Variants in TFPI observed in about 807,000 individuals in gnomAD.
The protein encoded by TFPI is anti-convertin.
A neutral mutation model predicts 34.6 loss-of-function variants in TFPI; 15 were observed. That is an observed-to-expected ratio of 0.43 (90% CI 0.29 to 0.67). The LOEUF is 0.67. Among genes scored for constraint, TFPI ranks in the 30% least tolerant of loss-of-function variants. TFPI has a pLI of 0.15. For synonymous variants in TFPI, 105 were observed against 120.1 expected (o/e 0.87, Z 0.82); for missense variants, 301 against 364.0 (o/e 0.83, Z 1.41).
intron 3 of TFPI, among the ~76,000 whole-genome samples, chr2:187,495,508 G>A (rs770339257): frequency 3.9e-5 from 6 of 152,140 alleles, no homozygotes; most frequent in Non-Finnish European, 8.8e-5. Context: ...ACATTCCTAG[G>A]GCATCTATGG....
intron 6 of TFPI, among the ~76,000 whole-genome samples, chr2:187,477,407 A>C (rs1692450799): frequency 6.6e-6 from 1 of 152,206 alleles, no homozygotes. Context: ...CACATTATGA[A>C]AGTCAAGATA....
Position 187,483,534 on chromosome 2 carries a change from A to G in TFPI, c.628+590T>C, listed in dbSNP as rs75767123. 4.7e-3 allele frequency among the ~76,000 whole-genome samples: 711 copies of G among 152,016 alleles called. 8 individuals carry two copies. The highest frequency in any genetic ancestry group is 4.9e-3 in the Non-Finnish European group (336 of 67,918). ...GATTATGTTTTCCAGTATTTTCACT[A>G]TTTTCTCAGCTCTGCATTTTGTGGA... On this transcript the variant is annotated intron_variant, in intron 6 of 7. Coordinates refer to ENST00000233156, the MANE Select transcript of TFPI (RefSeq NM_006287.6).
chr2:187,528,471 T>C (rs1687792306), intron 1 of TFPI, among the ~76,000 whole-genome samples: 1 of 152,218 alleles, frequency 6.6e-6, no homozygotes, highest in Non-Finnish European at 1.5e-5. Flanking sequence ...AACCCTGTTT[T>C]ATTTCAGCCT....
At chr2:187,494,087 GAGCTT>G (rs1352074103) in intron 3 of TFPI, among the ~76,000 whole-genome samples, 1 of 152,092 alleles carries the variant, frequency 6.6e-6, no homozygotes, top group Non-Finnish European at 1.5e-5. Context: ...GGCAAAGAGA[GAGCTT>G]ATGCAGAGAA....
At chr2:187,546,700 T>A (rs1352414724) in intron 1 of TFPI, 1 of 152,178 alleles carries the variant, frequency 6.6e-6, no homozygotes, top group Non-Finnish European at 1.5e-5. Context: ...TTTGGCTATT[T>A]TACCTGCTTT....
At chr2:187,541,870 G>C (rs1249111163) in intron 1 of TFPI, among the ~76,000 whole-genome samples, 1 of 152,092 alleles carries the variant, frequency 6.6e-6, no homozygotes, top group Admixed American at 6.6e-5. Context: ...CAAACACTAG[G>C]GGAAGTGATT....
chr2:187,475,015 C>T (rs1263245255), intron 6 of TFPI, among the ~76,000 whole-genome samples: 4 of 152,186 alleles, frequency 2.6e-5, no homozygotes, highest in African/African-American at 4.8e-5. Flanking sequence ...TCTGTTCTCC[C>T]GTAACCCTTG....
chr2:187,465,763 T>C lies in TFPI; in HGVS notation c.*1173A>G, dbSNP rs1288246070. ...TAGTCATGAAGCTAGTCATACCAAA[T>C]GAATGAAATGGTTGTTTCTAAATCA... On this transcript the variant is annotated 3_prime_UTR_variant, in exon 8 of 8. Coordinates refer to ENST00000233156, the MANE Select transcript of TFPI (RefSeq NM_006287.6). 1 of 152,074 alleles carries C rather than the reference T, an allele frequency of 6.6e-6. No individual in the cohort carries two copies. Among genetic ancestry groups the C allele is most frequent in the Non-Finnish European group, 1.5e-5 (1 of 67,994 alleles). The allele number at this position is 152,074 out of a possible 1,614,324, so 9.4% of individuals were successfully genotyped here. A position where few individuals can be genotyped will look rare whatever the true frequency, so the allele number is the denominator to read the frequency against.
At chr2:187,528,433 A>T (rs929853617) in intron 1 of TFPI, among the ~76,000 whole-genome samples, 1 of 152,176 alleles carries the variant, frequency 6.6e-6, no homozygotes, top group Non-Finnish European at 1.5e-5. Context: ...TTTTAAAAAA[A>T]GTCTTGGCTA....
intron 1 of TFPI, among the ~76,000 whole-genome samples, chr2:187,537,909 CA>C (rs150642275): frequency 0.24 from 36,514 of 152,058 alleles, 4,505 homozygotes; most frequent in Middle Eastern, 0.29. Context: ...ACAACCCCAT[CA>C]AAAAGTGGAC....
At chr2:187,500,907 G>A (rs905078401) in intron 2 of TFPI, among the ~76,000 whole-genome samples, 3 of 152,144 alleles carry the variant, frequency 2.0e-5, no homozygotes, top group East Asian at 1.9e-4. Context: ...TTGACCATGC[G>A]TCAAGCACTG....
intron 4 of TFPI, among the ~76,000 whole-genome samples, chr2:187,487,925 A>G (rs576291402): frequency 3.3e-5 from 5 of 151,558 alleles, no homozygotes; most frequent in African/African-American, 1.2e-4. Flanking sequence ...GATCAGAGAA[A>G]TAAAGTTAAG....
intron 1 of TFPI, among the ~76,000 whole-genome samples, chr2:187,542,750 C>T (rs1379065341): frequency 6.6e-6 from 1 of 151,588 alleles, no homozygotes; most frequent in Non-Finnish European, 1.5e-5. Context: ...GCCTGTAAAC[C>T]CAGGTACTCA....
At chr2:187,481,668 GGGGAA>G (rs763455440) in intron 6 of TFPI, among the ~76,000 whole-genome samples, 2 of 151,450 alleles carry the variant, frequency 1.3e-5, no homozygotes, top group Non-Finnish European at 2.9e-5. Context: ...GGGGAGGGGC[GGGGAA>G]GGGAAGGGAA....
chr2:187,527,901 A>C (rs1346235045), intron 1 of TFPI, among the ~76,000 whole-genome samples: 2 of 152,132 alleles, frequency 1.3e-5, no homozygotes, highest in African/African-American at 4.8e-5. Context: ...TTATATGACT[A>C]GATGGCTAGT....
At chr2:187,489,021 T>A (rs1693506456) in intron 3 of TFPI, among the ~76,000 whole-genome samples, 1 of 151,478 alleles carries the variant, frequency 6.6e-6, no homozygotes, top group Non-Finnish European at 1.5e-5. Context: ...GGTAATGAAA[T>A]TTAAATTGAC....
intron 1 of TFPI, among the ~76,000 whole-genome samples, chr2:187,538,381 T>C (rs958137429): frequency 3.3e-5 from 5 of 152,196 alleles, no homozygotes; most frequent in African/African-American, 4.8e-5. Context: ...GTGGCACATA[T>C]ACACCATGGA....
Position 187,503,498 on chromosome 2 carries a change from C to CAT in TFPI, c.121+149_121+150insAT. On this transcript the variant is annotated intron_variant, in intron 2 of 7. Coordinates refer to ENST00000233156, the MANE Select transcript of TFPI (RefSeq NM_006287.6). ...ACACACACACACACACACACACACA[C>CAT]ACATACATTAGGTATAATAAATTTC... is the stretch of plus-strand genomic sequence containing the variant. 3.8e-5 allele frequency: 32 copies of CAT among 837,958 alleles called. 1 individual carries two copies. Among genetic ancestry groups the CAT allele is most frequent in the Middle Eastern group, 3.9e-4 (1 of 2,572 alleles). 51.9% of individuals were successfully genotyped at this position (837,958 alleles called of 1,614,324 possible).
Position 187,466,575 on chromosome 2 carries a change from C to A in TFPI, c.*361G>T, listed in dbSNP as rs578008304. The A allele has an allele frequency of 3.0e-5, 5 of 167,370 alleles. No individual in the cohort carries two copies. The highest frequency in any genetic ancestry group is 3.0e-4 in the South Asian group (2 of 6,720). 10.4% of individuals were successfully genotyped at this position (167,370 alleles called of 1,614,324 possible). On this transcript the variant is annotated 3_prime_UTR_variant, in exon 8 of 8. Coordinates refer to ENST00000233156, the MANE Select transcript of TFPI (RefSeq NM_006287.6). ...CTGTATTCCTTAATCTGGTTACAGG[C>A]TATAAAGGAGATAATCATTTACATG...
Sources: allele counts gnomAD v4.1 joint callset (sites outside exome capture counted in the v4.1 genomes callset), GRCh38; gene constraint gnomAD v4.1.1; transcripts MANE v1.5; gene names NCBI Gene and HGNC (gene_info 2026-07-23, HGNC 2026-07-21).